LARGE1: variants seen among roughly 807,000 people sequenced by gnomAD.
LARGE1 encodes xylosyl- and glucuronyltransferase LARGE1.
In LARGE1, 43 loss-of-function variants were observed where a neutral mutation model predicts 87.6. The observed-to-expected ratio is 0.49, with a 90% confidence interval of 0.38 to 0.63. LARGE1 has a LOEUF of 0.63. LARGE1 is among the 30% of genes least tolerant of loss of function. The pLI is 0.00. For missense variants in LARGE1, 802 were observed against 1,000.2 expected (o/e 0.80, Z 2.67); for synonymous variants, 434 against 394.6 (o/e 1.10, Z -1.18).
chr22:33,338,610 A>G (rs60695811), intron 9 of LARGE1, among the ~76,000 whole-genome samples: 1 of 152,336 alleles, frequency 6.6e-6, no homozygotes, highest in East Asian at 1.9e-4. Context: ...TGAATGATAC[A>G]CTGTCTCATA....
At chr22:33,261,617 A>AG (rs1205339669) in intron 11 of LARGE1, among the ~76,000 whole-genome samples, 2 of 151,972 alleles carry the variant, frequency 1.3e-5, no homozygotes, top group African/African-American at 4.8e-5. Flanking sequence ...AAAGAAAAAA[A>AG]AAAAGACCAA....
intron 6 of LARGE1, among the ~76,000 whole-genome samples, chr22:33,515,543 C>A (rs1430850413): frequency 6.6e-6 from 1 of 152,150 alleles, no homozygotes; most frequent in Non-Finnish European, 1.5e-5. Flanking sequence ...AAATAGACAG[C>A]CAGGACGATC....
the LARGE1 span, among the ~76,000 whole-genome samples, chr22:33,082,712 T>G: frequency 3.3e-5 from 5 of 152,264 alleles, no homozygotes; most frequent in Admixed American, 2.6e-4. Context: ...GAAGGAGAGA[T>G]AGTTAGCAAC....
At chr22:33,720,012 G>A (rs967505731) in intron 2 of LARGE1, among the ~76,000 whole-genome samples, 15 of 152,100 alleles carry the variant, frequency 9.9e-5, no homozygotes, top group Admixed American at 2.0e-4. Flanking sequence ...CCATTTCTCC[G>A]CAGACAAAGG....
the LARGE1 span, among the ~76,000 whole-genome samples, chr22:33,131,008 T>C: frequency 8.7e-6 from 1 of 114,960 alleles, no homozygotes; most frequent in Non-Finnish European, 1.6e-5. Context: ...CACTCCAGCC[T>C]GGGCGACAGA....
chr22:33,245,231 C>T (rs1568987958), intron 11 of LARGE1, among the ~76,000 whole-genome samples: 1 of 152,184 alleles, frequency 6.6e-6, no homozygotes, highest in Non-Finnish European at 1.5e-5. Context: ...CATTGAAACC[C>T]TTGCAAAATT....
At chr22:33,755,818 A>G (rs556722039) in intron 2 of LARGE1, among the ~76,000 whole-genome samples, 1 of 152,308 alleles carries the variant, frequency 6.6e-6, no homozygotes, top group South Asian at 2.1e-4. Context: ...AGACACTGGG[A>G]GTGTAACGAC....
chr22:33,350,618 T>C (rs1374500738), intron 9 of LARGE1, among the ~76,000 whole-genome samples: 3 of 152,142 alleles, frequency 2.0e-5, no homozygotes, highest in Admixed American at 2.0e-4. Flanking sequence ...ATTTCAGTCA[T>C]GCCCTTGGGG....
intron 1 of LARGE1, among the ~76,000 whole-genome samples, chr22:33,784,284 G>A (rs970268582): frequency 3.3e-5 from 5 of 152,170 alleles, no homozygotes; most frequent in East Asian, 1.9e-4. Flanking sequence ...CTTCACATAC[G>A]TTGTCTTACT....
At chr22:33,468,652 C>G (rs2068711123) in intron 6 of LARGE1, among the ~76,000 whole-genome samples, 1 of 152,176 alleles carries the variant, frequency 6.6e-6, no homozygotes, top group South Asian at 2.1e-4. Flanking sequence ...CCCAGCGGCT[C>G]TCTGAGATAC....
At chr22:33,875,739 T>C (rs889757165) in intron 1 of LARGE1, among the ~76,000 whole-genome samples, 6 of 152,196 alleles carry the variant, frequency 3.9e-5, no homozygotes, top group African/African-American at 1.4e-4. Flanking sequence ...CCCTCACCAG[T>C]GCCTGAGAGT....
chr22:33,440,862 C>T (rs1361104321), intron 6 of LARGE1, among the ~76,000 whole-genome samples: 1 of 152,140 alleles, frequency 6.6e-6, no homozygotes, highest in Non-Finnish European at 1.5e-5. Context: ...CCTAGGATCA[C>T]AGACAGTCAG....
At chr22:33,916,965 T>C (rs551880414) in intron 1 of LARGE1, among the ~76,000 whole-genome samples, 2 of 152,222 alleles carry the variant, frequency 1.3e-5, no homozygotes, top group South Asian at 4.1e-4. Context: ...GAAATAAAGC[T>C]GTCTGCTGAC....
At position 33,564,946 on chromosome 22, in the gene LARGE1, G is replaced by A; in HGVS notation, c.689C>T (p.Thr230Ile). 6.2e-7 allele frequency: 1 copy of A among 1,614,128 alleles called. No homozygotes were observed. Among genetic ancestry groups the A allele is most frequent in the African/African-American group, 1.3e-5 (1 of 75,054 alleles). Residue 230 changes from threonine to isoleucine, a missense_variant, in exon 6 of 15, where the codon ACT becomes ATT. Physicochemically the swap from Thr to Ile is moderately conservative, Grantham distance 89 (BLOSUM62 -1). Transcript: ENST00000397394. Reference sequence around the variant, plus strand: ...GACTCTCTCCAGGTTGGCAGGAAGAGTCTTGGTCAGGACAAGCTTCATCAG... The same window carrying A: ...GACTCTCTCCAGGTTGGCAGGAAGAATCTTGGTCAGGACAAGCTTCATCAG... The part of the protein sequence containing the change: ...YGLMKLVLTK[T>I]LPANLERVIV...
the LARGE1 span, among the ~76,000 whole-genome samples, chr22:33,133,027 T>G: frequency 1.3e-5 from 2 of 152,174 alleles, no homozygotes; most frequent in Non-Finnish European, 2.9e-5. Flanking sequence ...TAGGCCTCCT[T>G]TATTTCTTCC....
chr22:33,323,958 G>A (rs1936989133), intron 10 of LARGE1, among the ~76,000 whole-genome samples: 1 of 152,182 alleles, frequency 6.6e-6, no homozygotes, highest in African/African-American at 2.4e-5. Flanking sequence ...TTGGCCAGAT[G>A]CGGTGGCTCA....
chr22:33,625,685 T>A (rs1314695330), intron 4 of LARGE1, among the ~76,000 whole-genome samples: 1 of 152,228 alleles, frequency 6.6e-6, no homozygotes. Context: ...GACTTGCATA[T>A]GGCCTCCTTC....
intron 7 of LARGE1, among the ~76,000 whole-genome samples, chr22:33,409,410 G>T (rs759056150): frequency 1.3e-5 from 2 of 152,040 alleles, no homozygotes; most frequent in African/African-American, 4.8e-5. Context: ...GCCACTGATG[G>T]TACATCACTG....
intron 6 of LARGE1, among the ~76,000 whole-genome samples, chr22:33,463,693 G>A (rs1051892524): frequency 1.3e-5 from 2 of 152,046 alleles, no homozygotes; most frequent in Non-Finnish European, 2.9e-5. Context: ...ATTTTTTTGA[G>A]ACAGAGTCTT....
Sources: allele counts gnomAD v4.1 joint callset (sites outside exome capture counted in the v4.1 genomes callset), GRCh38; gene constraint gnomAD v4.1.1; transcripts MANE v1.5; gene names NCBI Gene and HGNC (gene_info 2026-07-23, HGNC 2026-07-21).